EYA2: variants seen among roughly 807,000 people sequenced by gnomAD.
EYA2 encodes the protein protein phosphatase EYA2.
Under a neutral mutation model 69.2 loss-of-function variants are expected in EYA2, and 31 were observed. The ratio of observed to expected loss-of-function variants is 0.45; its 90% CI spans 0.34 to 0.60. EYA2 has a LOEUF of 0.60. EYA2 is among the 20% of genes least tolerant of loss of function. The pLI, the probability that EYA2 is intolerant of heterozygous loss-of-function variation, is 0.02. For synonymous variants in EYA2, 257 were observed against 279.4 expected, an observed-to-expected ratio of 0.92 and a Z score of 0.80; for missense variants, 622 against 701.2, an observed-to-expected ratio of 0.89 and a Z score of 1.28.
intron 9 of EYA2, among the ~76,000 whole-genome samples, chr20:47,114,227 G>A (rs1324884188): frequency 6.6e-6 from 1 of 152,220 alleles, no homozygotes; most frequent in Non-Finnish European, 1.5e-5. Flanking sequence ...TGAAGTGCCT[G>A]CACTAAAAGC....
At chr20:47,015,348 CCTA>C (rs1983345181) in intron 4 of EYA2, among the ~76,000 whole-genome samples, 1 of 152,208 alleles carries the variant, frequency 6.6e-6, no homozygotes, top group Non-Finnish European at 1.5e-5. Flanking sequence ...GGAATTAGTA[CCTA>C]TGCTTTAGGT....
chr20:47,129,052 A>C (rs975359257), intron 9 of EYA2, among the ~76,000 whole-genome samples: 5 of 152,316 alleles, frequency 3.3e-5, no homozygotes, highest in African/African-American at 1.2e-4. Flanking sequence ...TGAACCCAGG[A>C]GGCGGAGGTT....
chr20:47,160,261 A>G (rs1162692077), intron 10 of EYA2, among the ~76,000 whole-genome samples: 1 of 152,204 alleles, frequency 6.6e-6, no homozygotes, highest in Non-Finnish European at 1.5e-5. Flanking sequence ...AAAGGACCAG[A>G]TAGTAAATAT....
chr20:47,149,774 A>G (rs1171624749), intron 10 of EYA2, among the ~76,000 whole-genome samples: 1 of 151,904 alleles, frequency 6.6e-6, no homozygotes, highest in Admixed American at 6.6e-5. Context: ...GGCAGCAGAA[A>G]CCAGGAGGCG....
chr20:46,896,954 GA>G (rs1207019031), intron 1 of EYA2, among the ~76,000 whole-genome samples: 1 of 151,920 alleles, frequency 6.6e-6, no homozygotes, highest in Non-Finnish European at 1.5e-5. Context: ...CCCAATATCA[GA>G]AAAACTAAAG....
At chr20:47,014,669 T>TGTGTGG (rs1555812539) in intron 4 of EYA2, among the ~76,000 whole-genome samples, 1 of 147,794 alleles carries the variant, frequency 6.8e-6, no homozygotes, top group African/African-American at 2.5e-5. Flanking sequence ...TGTGTGTGTG[T>TGTGTGG]GGTGTGATGA....
chr20:47,118,142 A>G (rs1033713728), intron 9 of EYA2, among the ~76,000 whole-genome samples: 1 of 152,262 alleles, frequency 6.6e-6, no homozygotes, highest in Non-Finnish European at 1.5e-5. Flanking sequence ...ATGTGGATTA[A>G]GTCAAGATGA....
In EYA2 at chr20:47,131,046, G is replaced by A. The variant is rs541019258; in HGVS notation, c.889-12013G>A. Among the ~76,000 whole-genome samples the A allele has an allele frequency of 3.1e-3, 476 of 152,068 alleles. 5 individuals carry two copies. The highest frequency in any genetic ancestry group is 4.4e-3 in the Non-Finnish European group (299 of 67,982). ...GGAGGTTGCAGTGAGCTGAGACTGC[G>A]CCATTGCACTCCAGCCTGGGCTACA... On this transcript the variant is annotated intron_variant, in intron 9 of 15. Coordinates refer to ENST00000327619, the MANE Select transcript of EYA2 (RefSeq NM_005244.5).
chr20:47,056,597 C>T (rs1457826541), intron 5 of EYA2, among the ~76,000 whole-genome samples: 3 of 152,166 alleles, frequency 2.0e-5, no homozygotes, highest in African/African-American at 4.8e-5. Context: ...TGCTTAGCTC[C>T]ACTTTACAGA....
At chr20:46,976,542 C>T (rs1467487684) in intron 1 of EYA2, among the ~76,000 whole-genome samples, 2 of 152,132 alleles carry the variant, frequency 1.3e-5, no homozygotes, top group East Asian at 1.9e-4. Flanking sequence ...CCCGCCACCA[C>T]GCCTGGCTAA....
intron 12 of EYA2, among the ~76,000 whole-genome samples, chr20:47,173,355 C>T (rs1165908387): frequency 6.6e-6 from 1 of 151,810 alleles, no homozygotes; most frequent in Non-Finnish European, 1.5e-5. Flanking sequence ...GGACCTGTGC[C>T]TTGAGTCTTT....
chr20:47,185,578 AG>A, intron 15 of EYA2, among the ~76,000 whole-genome samples: 1 of 152,224 alleles, frequency 6.6e-6, no homozygotes, highest in Non-Finnish European at 1.5e-5. Context: ...CTGGGATTAG[AG>A]GTGTGAGCCA....
chr20:47,134,246 G>A (rs4810617), intron 9 of EYA2, among the ~76,000 whole-genome samples: 47,966 of 152,066 alleles, frequency 0.32, 11,030 homozygotes, highest in African/African-American at 0.66. Context: ...ATGCAGCTGA[G>A]CCATGGAAGG....
At chr20:47,068,979 C>A (rs1055293335) in intron 5 of EYA2, among the ~76,000 whole-genome samples, 1 of 152,136 alleles carries the variant, frequency 6.6e-6, no homozygotes, top group Non-Finnish European at 1.5e-5. Flanking sequence ...AGTCCATGCC[C>A]CTTCAGCAGA....
intron 5 of EYA2, among the ~76,000 whole-genome samples, chr20:47,027,950 C>T (rs538365269): frequency 3.3e-5 from 5 of 152,260 alleles, no homozygotes; most frequent in South Asian, 2.1e-4. Flanking sequence ...AATTGTTTCC[C>T]GCCCCTAAAA....
At chr20:46,929,415 G>A (rs1222896525) in intron 1 of EYA2, among the ~76,000 whole-genome samples, 1 of 22,090 alleles carries the variant, frequency 4.5e-5, no homozygotes, top group Non-Finnish European at 1.8e-4. Flanking sequence ...GGACTGAGAA[G>A]GGGCTTTTTT....
At chr20:47,154,302 C>T (rs1280935431) in intron 10 of EYA2, among the ~76,000 whole-genome samples, 2 of 151,988 alleles carry the variant, frequency 1.3e-5, no homozygotes, top group Non-Finnish European at 2.9e-5. Flanking sequence ...AGGGCCCCAC[C>T]CTGTGACCTC....
intron 14 of EYA2, among the ~76,000 whole-genome samples, chr20:47,183,067 G>T (rs1270794927): frequency 6.6e-6 from 1 of 152,212 alleles, no homozygotes; most frequent in Non-Finnish European, 1.5e-5. Flanking sequence ...CTCCTGCTGT[G>T]TTGCCCTGGG....
At chr20:46,930,594 A>T (rs1456778334) in intron 1 of EYA2, among the ~76,000 whole-genome samples, 1 of 152,160 alleles carries the variant, frequency 6.6e-6, no homozygotes, top group African/African-American at 2.4e-5. Context: ...TGGAAGAGAG[A>T]TGATGACAAA....
Sources: allele counts gnomAD v4.1 joint callset (sites outside exome capture counted in the v4.1 genomes callset), GRCh38; gene constraint gnomAD v4.1.1; transcripts MANE v1.5; gene names NCBI Gene and HGNC (gene_info 2026-07-23, HGNC 2026-07-21).